GRIN2B: variants seen among roughly 807,000 people sequenced by gnomAD.
GRIN2B encodes the protein glutamate receptor ionotropic, NMDA 2B.
Under a neutral mutation model 114.5 loss-of-function variants are expected in GRIN2B, and 5 were observed. The observed-to-expected ratio is 0.04, with a 90% CI of 0.02 to 0.09. The LOEUF (loss-of-function observed/expected upper bound fraction) is 0.09, where lower values mean the gene tolerates loss of function less well. GRIN2B is among the 10% of genes least tolerant of loss of function. GRIN2B has a pLI of 1.00. For missense variants in GRIN2B, 1,108 were observed against 1,943.5 expected (o/e 0.57, Z 8.08); for synonymous variants, 787 against 745.1 (o/e 1.06, Z -0.92).
chr12:13,819,617 A>G (rs1169783336), intron 3 of GRIN2B, among the ~76,000 whole-genome samples: 2 of 152,226 alleles, frequency 1.3e-5, no homozygotes, highest in African/African-American at 4.8e-5. Flanking sequence ...GCAAGATGCT[A>G]TAATCAAACA....
intron 2 of GRIN2B, among the ~76,000 whole-genome samples, chr12:13,928,787 T>G (rs1866965645): frequency 6.6e-6 from 1 of 152,222 alleles, no homozygotes; most frequent in African/African-American, 2.4e-5. Flanking sequence ...AAGGCAAACA[T>G]GGTTTAAGAT....
chr12:13,847,589 G>A lies in GRIN2B; in HGVS notation c.411+18209C>T, dbSNP rs182229438. On this transcript the variant is annotated intron_variant, in intron 3 of 13. Coordinates refer to ENST00000609686, the MANE Select transcript of GRIN2B (RefSeq NM_000834.5). ...GCGTGTACCACATAAGGTAGAAGCC[G>A]TGTGGAACAGTGGGTCACAGGAGAT... Among the ~76,000 whole-genome samples the A allele has an allele frequency of 5.1e-3, 782 of 152,252 alleles. 3 individuals are homozygous for A. Among genetic ancestry groups the A allele is most frequent in the South Asian group, 0.013 (64 of 4,822 alleles).
chr12:13,832,785 G>A (rs777285110), intron 3 of GRIN2B, among the ~76,000 whole-genome samples: 1 of 152,012 alleles, frequency 6.6e-6, no homozygotes, highest in Non-Finnish European at 1.5e-5. Flanking sequence ...AAATATTTTT[G>A]CATTGTCATA....
At chr12:13,865,765 C>G in intron 3 of GRIN2B, 33 bp downstream of exon 3, 1 of 1,554,458 alleles carries the variant, frequency 6.4e-7, no homozygotes, top group Non-Finnish European at 8.9e-7. Context: ...CAGCACAAAC[C>G]CTCAGGCCCT....
chr12:13,836,453 T>C (rs1051742698), intron 3 of GRIN2B, among the ~76,000 whole-genome samples: 1 of 152,194 alleles, frequency 6.6e-6, no homozygotes, highest in African/African-American at 2.4e-5. Flanking sequence ...TGTGGTCCTT[T>C]GGGATCAAGC....
intron 5 of GRIN2B, among the ~76,000 whole-genome samples, chr12:13,645,090 T>A (rs1949750262): frequency 6.6e-6 from 1 of 152,142 alleles, no homozygotes; most frequent in Admixed American, 6.6e-5. Flanking sequence ...ACAAGAGACC[T>A]AGCTTTCAGC....
intron 5 of GRIN2B, among the ~76,000 whole-genome samples, chr12:13,635,179 T>C (rs759126687): frequency 6.6e-6 from 1 of 152,054 alleles, no homozygotes; most frequent in Non-Finnish European, 1.5e-5. Flanking sequence ...TGGGGTCTGA[T>C]GGAATATTAA....
intron 3 of GRIN2B, among the ~76,000 whole-genome samples, chr12:13,862,504 A>G (rs1408479783): frequency 2.6e-5 from 4 of 152,172 alleles, no homozygotes; most frequent in African/African-American, 9.7e-5. Flanking sequence ...ATGAGCCTTC[A>G]GTGTGGCCAA....
At chr12:13,674,398 G>C (rs911575419) in intron 5 of GRIN2B, among the ~76,000 whole-genome samples, 6 of 152,196 alleles carry the variant, frequency 3.9e-5, no homozygotes, top group Middle Eastern at 3.4e-3. Flanking sequence ...CATAATTTAA[G>C]CCTTATAATT....
At chr12:13,584,322 A>T (rs1207109772) in intron 10 of GRIN2B, among the ~76,000 whole-genome samples, 1 of 152,206 alleles carries the variant, frequency 6.6e-6, no homozygotes, top group African/African-American at 2.4e-5. Flanking sequence ...CCTCCTTAGA[A>T]TGTAATATAA....
chr12:13,645,675 T>A (rs1279874298), intron 5 of GRIN2B, among the ~76,000 whole-genome samples: 1 of 142,198 alleles, frequency 7.0e-6, no homozygotes, highest in Non-Finnish European at 1.5e-5. Context: ...TCCTCTTCCT[T>A]TTTTTTTTCT....
chr12:13,943,036 G>A (rs553025953), intron 2 of GRIN2B, among the ~76,000 whole-genome samples: 3 of 152,142 alleles, frequency 2.0e-5, no homozygotes, highest in Admixed American at 1.3e-4. Flanking sequence ...TGGGGTGGGG[G>A]TGGAGCAAGG....
chr12:13,763,601 C>G (rs1863722375), intron 3 of GRIN2B, among the ~76,000 whole-genome samples: 1 of 152,148 alleles, frequency 6.6e-6, no homozygotes, highest in Non-Finnish European at 1.5e-5. Context: ...TTATTAGTGT[C>G]AACACATCTG....
chr12:13,791,310 G>T (rs1419196851), intron 3 of GRIN2B, among the ~76,000 whole-genome samples: 1 of 151,920 alleles, frequency 6.6e-6, no homozygotes, highest in African/African-American at 2.4e-5. Flanking sequence ...AAATTAACTG[G>T]GTGTGGTGGC....
chr12:13,662,673 G>T (rs755878965), intron 5 of GRIN2B, among the ~76,000 whole-genome samples: 17 of 152,082 alleles, frequency 1.1e-4, no homozygotes, highest in Non-Finnish European at 1.9e-4. Context: ...GCCCTTAGTA[G>T]GGGCTCGGGA....
chr12:13,967,782 G>A (rs1359412731), intron 2 of GRIN2B, among the ~76,000 whole-genome samples: 2 of 152,138 alleles, frequency 1.3e-5, no homozygotes, highest in Admixed American at 1.3e-4. Context: ...TGGGCGACAG[G>A]AAGACCTGGA....
At chr12:13,832,262 C>T (rs893592665) in intron 3 of GRIN2B, among the ~76,000 whole-genome samples, 17 of 152,310 alleles carry the variant, frequency 1.1e-4, no homozygotes, top group Admixed American at 5.9e-4. Context: ...ATCATCTGTG[C>T]TACTTTTCAT....
intron 5 of GRIN2B, among the ~76,000 whole-genome samples, chr12:13,664,684 T>A (rs984773931): frequency 1.3e-5 from 2 of 152,174 alleles, no homozygotes; most frequent in Admixed American, 1.3e-4. Flanking sequence ...TTCTTTCTTA[T>A]ACTTTTTTTT....
intron 3 of GRIN2B, among the ~76,000 whole-genome samples, chr12:13,830,746 G>A (rs890925980): frequency 6.6e-6 from 1 of 152,122 alleles, no homozygotes; most frequent in Non-Finnish European, 1.5e-5. Context: ...CTTAATTCAC[G>A]GGCAACATTT....
Sources: gnomAD v4.1 joint callset for allele counts (sites outside exome capture counted in the v4.1 genomes callset) on GRCh38, gnomAD v4.1.1 for gene constraint, MANE v1.5 for transcripts, NCBI Gene and HGNC (gene_info 2026-07-23, HGNC 2026-07-21) for gene names.